PDE11A: variants seen among roughly 807,000 people sequenced by gnomAD.
PDE11A encodes the protein dual 3',5'-cyclic-AMP and -GMP phosphodiesterase 11A.
Under a neutral mutation model 100.5 loss-of-function variants are expected in PDE11A, and 100 were observed. The ratio of observed to expected loss-of-function variants is 1.00; its 90% CI spans 0.85 to 1.18. The LOEUF (loss-of-function observed/expected upper bound fraction) is 1.18. Ranked by LOEUF, PDE11A falls within the 50% of genes most tolerant of loss-of-function variation. PDE11A has a pLI of 0.00. For synonymous variants in PDE11A, 381 were observed against 420.8 expected (o/e 0.91, Z 1.16); for missense variants, 1,141 against 1,152.6 (o/e 0.99, Z 0.15).
At chr2:177,994,478 T>G (rs967881051) in intron 2 of PDE11A, among the ~76,000 whole-genome samples, 2 of 152,222 alleles carry the variant, frequency 1.3e-5, no homozygotes, top group African/African-American at 4.8e-5. Flanking sequence ...TTTCCAAGTT[T>G]TTTTCCTAGG....
chr2:177,958,814 G>A (rs2085596675), intron 2 of PDE11A, among the ~76,000 whole-genome samples: 2 of 151,988 alleles, frequency 1.3e-5, no homozygotes, highest in Non-Finnish European at 2.9e-5. Context: ...AAGAAACTGA[G>A]AAAAATAACT....
intron 10 of PDE11A, among the ~76,000 whole-genome samples, chr2:177,767,028 G>A (rs2082249512): frequency 6.6e-6 from 1 of 152,154 alleles, no homozygotes; most frequent in Admixed American, 6.6e-5. Flanking sequence ...GAATGTTGGT[G>A]CCTTTAGAAA....
intron 2 of PDE11A, among the ~76,000 whole-genome samples, chr2:177,932,989 C>T (rs1036771022): frequency 4.0e-5 from 6 of 151,876 alleles, no homozygotes; most frequent in African/African-American, 1.5e-4. Context: ...AATTAATGTA[C>T]AAAAATCAGT....
At chr2:177,749,302 G>T (rs1040033834) in intron 10 of PDE11A, among the ~76,000 whole-genome samples, 41 of 152,130 alleles carry the variant, frequency 2.7e-4, no homozygotes, top group Admixed American at 2.6e-3. Flanking sequence ...ACCTCAGACT[G>T]TTGGGATCAA....
rs1262960129 is a variant in PDE11A at position 177,629,597 on chromosome 2, G to A, written c.2647-35C>T. Reference sequence around the variant, plus strand: ...AACAAAACAAAACACAGGTGGAGGAGAGAGGAAACAGAGTAACTGACATGA... The same window carrying A: ...AACAAAACAAAACACAGGTGGAGGAAAGAGGAAACAGAGTAACTGACATGA... On this transcript the variant is annotated intron_variant, in intron 19 of 19. Coordinates refer to ENST00000286063, the MANE Select transcript of PDE11A (RefSeq NM_016953.4). 2.5e-6 allele frequency: 4 copies of A among 1,609,814 alleles called. No homozygotes were observed. In the Admixed American group the frequency reaches 6.7e-5, roughly 27 times the overall value.
chr2:177,693,313 T>C (rs913965396), intron 15 of PDE11A, among the ~76,000 whole-genome samples: 11 of 152,100 alleles, frequency 7.2e-5, no homozygotes, highest in African/African-American at 2.4e-4. Context: ...TGGAAGTACA[T>C]GAGAGTTAAC....
intron 2 of PDE11A, among the ~76,000 whole-genome samples, chr2:177,910,978 A>G (rs1360459123): frequency 6.6e-6 from 1 of 152,230 alleles, no homozygotes; most frequent in Non-Finnish European, 1.5e-5. Flanking sequence ...AGAAGGCAAA[A>G]CAGCTTGAAG....
Position 177,631,322 on chromosome 2 carries a change from A to AAAAC in PDE11A, c.2647-1761_2647-1760insGTTT, listed in dbSNP as rs1469522170. 4.0e-3 allele frequency among the ~76,000 whole-genome samples: 68 copies of AAAAC among 16,846 alleles called. 1 individual carries two copies. In the East Asian group the frequency reaches 0.066, roughly 16 times the overall value. 11.1% of individuals were successfully genotyped at this position (16,846 alleles called of 152,430 possible). The stretch of plus-strand genomic sequence containing the variant: ...AAAAAAAAAAAAAACAAAAAAAAAA[A>AAAAC]CAACCTAGGCGTGGTGGCACATGCC... On this transcript the variant is annotated intron_variant, in intron 19 of 19. Transcript: ENST00000286063.
intron 10 of PDE11A, among the ~76,000 whole-genome samples, chr2:177,740,771 T>C (rs2081860442): frequency 6.6e-6 from 1 of 152,252 alleles, no homozygotes; most frequent in South Asian, 2.1e-4. Context: ...ATTTTTGTGG[T>C]CTTGTGAATC....
intron 10 of PDE11A, among the ~76,000 whole-genome samples, chr2:177,736,407 C>A (rs2081783222): frequency 6.6e-6 from 1 of 151,740 alleles, no homozygotes; most frequent in Non-Finnish European, 1.5e-5. Context: ...ACCTGTAATC[C>A]CAGCTACTTA....
At chr2:177,955,251 C>CTTGT (rs1356910401) in intron 2 of PDE11A, among the ~76,000 whole-genome samples, 1 of 152,090 alleles carries the variant, frequency 6.6e-6, no homozygotes, top group African/African-American at 2.4e-5. Flanking sequence ...GAATGGCTAA[C>CTTGT]TTGTTTGTTT....
intron 2 of PDE11A, among the ~76,000 whole-genome samples, chr2:177,990,271 T>A (rs2085986546): frequency 6.6e-6 from 1 of 152,326 alleles, no homozygotes; most frequent in Middle Eastern, 3.4e-3. Context: ...CACTTGTATA[T>A]GGAATTTTCT....
intron 8 of PDE11A, among the ~76,000 whole-genome samples, chr2:177,817,434 T>A (rs2083059632): frequency 6.6e-6 from 1 of 152,104 alleles, no homozygotes; most frequent in East Asian, 1.9e-4. Flanking sequence ...ACTGGTACAG[T>A]CTATGAGGAA....
intron 1 of PDE11A, among the ~76,000 whole-genome samples, chr2:178,057,587 T>A (rs1047343362): frequency 6.6e-6 from 1 of 152,198 alleles, no homozygotes; most frequent in Admixed American, 6.5e-5. Context: ...GCAGAATACA[T>A]TTTCTTTGCT....
At chr2:178,046,736 G>A (rs984118248) in intron 1 of PDE11A, among the ~76,000 whole-genome samples, 13 of 152,036 alleles carry the variant, frequency 8.6e-5, no homozygotes, top group African/African-American at 1.9e-4. Context: ...TACTCTTCTC[G>A]GTCAATGTAA....
chr2:177,637,906 TATACATATATACAC>T (rs71010810), intron 19 of PDE11A, among the ~76,000 whole-genome samples: 80,704 of 141,020 alleles, frequency 0.57, 27,383 homozygotes, highest in Non-Finnish European at 0.73. Flanking sequence ...TATATACATA[TATACATATATACAC>T]ATACATATAT....
At chr2:177,878,122 A>C (rs2084270473) in intron 4 of PDE11A, among the ~76,000 whole-genome samples, 1 of 152,214 alleles carries the variant, frequency 6.6e-6, no homozygotes, top group Non-Finnish European at 1.5e-5. Context: ...AATGTAGGGC[A>C]ATGACAATAG....
rs560645569 is a variant in PDE11A, at chr2:177,773,330, T to A, written c.1738-3957A>T. ...TCACATATCCTTTCTAAAATTTTTT[T>A]ACTGCCCCCGAGTTGTGAATATATA... On this transcript the variant is annotated intron_variant, in intron 9 of 19. Transcript: ENST00000286063. 3.3e-5 allele frequency among the ~76,000 whole-genome samples: 5 copies of A among 152,368 alleles called. No individual in the cohort carries two copies. In the South Asian group the frequency reaches 1.0e-3, roughly 32 times the overall value.
At chr2:178,053,997 T>C (rs1024054792) in intron 1 of PDE11A, among the ~76,000 whole-genome samples, 3 of 152,062 alleles carry the variant, frequency 2.0e-5, no homozygotes, top group Admixed American at 6.5e-5. Context: ...CTTCACAGAA[T>C]TGGAAAAAAC....
Sources: allele counts gnomAD v4.1 joint callset (sites outside exome capture counted in the v4.1 genomes callset), GRCh38; gene constraint gnomAD v4.1.1; transcripts MANE v1.5; gene names NCBI Gene and HGNC (gene_info 2026-07-23, HGNC 2026-07-21).